Variants in ANKS1B observed in about 807,000 individuals in gnomAD.
The protein encoded by ANKS1B is ankyrin repeat and sterile alpha motif domain containing 1B, also known as ankyrin repeat and sterile alpha motif domain-containing protein 1B.
Under a neutral mutation model 148.3 loss-of-function variants are expected in ANKS1B, and 36 were observed. The ratio of observed to expected loss-of-function variants is 0.24; its 90% confidence interval spans 0.19 to 0.32. The LOEUF (loss-of-function observed/expected upper bound fraction) is 0.32, where lower values mean the gene tolerates loss of function less well. ANKS1B is among the 10% of genes least tolerant of loss of function. The pLI is 1.00. For missense variants in ANKS1B, 1,157 were observed against 1,542.6 expected (o/e 0.75, Z 4.19); for synonymous variants, 542 against 560.8 (o/e 0.97, Z 0.47).
At chr12:98,838,098 T>C (rs533159889) in intron 17 of ANKS1B, among the ~76,000 whole-genome samples, 102 of 152,344 alleles carry the variant, frequency 6.7e-4, no homozygotes, top group Non-Finnish European at 1.1e-3. Context: ...CAACTCTCAG[T>C]AGACATTTTA....
intron 12 of ANKS1B, among the ~76,000 whole-genome samples, chr12:99,366,535 A>G (rs943092696): frequency 6.6e-6 from 1 of 152,212 alleles, no homozygotes; most frequent in Non-Finnish European, 1.5e-5. Flanking sequence ...AAAGTCCAGA[A>G]ATAGACCCAG....
chr12:98,792,577 T>C (rs1247988836), intron 22 of ANKS1B, among the ~76,000 whole-genome samples: 2 of 152,180 alleles, frequency 1.3e-5, no homozygotes, highest in Non-Finnish European at 2.9e-5. Context: ...TTTGTTACCA[T>C]TGAGCAACGT....
At chr12:99,415,143 GT>G (rs74764244) in intron 11 of ANKS1B, among the ~76,000 whole-genome samples, 21,664 of 152,144 alleles carry the variant, frequency 0.14, 1,718 homozygotes, top group African/African-American at 0.21. Context: ...AAACCATGGA[GT>G]TTGTCCTCAT....
At chr12:99,162,245 GTGA>G (rs2076724921) in intron 14 of ANKS1B, among the ~76,000 whole-genome samples, 1 of 152,088 alleles carries the variant, frequency 6.6e-6, no homozygotes, top group East Asian at 1.9e-4. Context: ...TTTTAAAATT[GTGA>G]TGATGGTTGC....
rs372662634 is a variant in ANKS1B at position 99,747,723 on chromosome 12, T to C, written c.1128+25199A>G. 1.2e-4 allele frequency among the ~76,000 whole-genome samples: 19 copies of C among 152,214 alleles called. No homozygotes were observed. The South Asian group carries it at 3.9e-3, about 32-fold the overall frequency. On this transcript the variant is annotated intron_variant, in intron 8 of 26. Coordinates refer to ENST00000683438, the MANE Select transcript of ANKS1B (RefSeq NM_001352186.2). ...CACTTACGTGATGTTGGTTGGAAATTTCTCACGCCTAGAATGCTCTCCTTT... is the reference window on the plus strand; with the variant it reads ...CACTTACGTGATGTTGGTTGGAAATCTCTCACGCCTAGAATGCTCTCCTTT...
chr12:98,895,079 G>C, intron 17 of ANKS1B: 4 of 968,876 alleles, frequency 4.1e-6, no homozygotes, highest in Non-Finnish European at 4.9e-6. Flanking sequence ...TGCTGCCCGG[G>C]GTGGGCGGCG....
chr12:99,812,056 C>T (rs1278282000), intron 3 of ANKS1B, 99 bp downstream of exon 3: 3 of 1,421,008 alleles, frequency 2.1e-6, no homozygotes, highest in East Asian at 4.6e-5. Context: ...ATGGAAAGGC[C>T]TTTGGGCAAG....
intron 17 of ANKS1B, among the ~76,000 whole-genome samples, chr12:98,957,669 C>T (rs1025931424): frequency 3.9e-5 from 6 of 152,080 alleles, no homozygotes; most frequent in East Asian, 1.9e-4. Context: ...AATAGTAAAG[C>T]GTTAGGGGTG....
At chr12:99,244,210 C>G in intron 14 of ANKS1B, 132 bp downstream of exon 14, 1 of 626,934 alleles carries the variant, frequency 1.6e-6, no homozygotes, top group Non-Finnish European at 2.7e-6. Flanking sequence ...GTTGTTAGAT[C>G]TGAGAGTGGA....
intron 12 of ANKS1B, among the ~76,000 whole-genome samples, chr12:99,265,253 C>T (rs1431519255): frequency 6.6e-6 from 1 of 152,136 alleles, no homozygotes; most frequent in Non-Finnish European, 1.5e-5. Context: ...AATTCTTAGG[C>T]CTTGCTCTAG....
intron 15 of ANKS1B, among the ~76,000 whole-genome samples, chr12:99,114,219 G>T (rs1253503292): frequency 6.6e-6 from 1 of 152,118 alleles, no homozygotes; most frequent in Non-Finnish European, 1.5e-5. Flanking sequence ...GAAAATATTT[G>T]TGTCTATGAT....
chr12:98,827,173 C>T (rs2099255857), intron 19 of ANKS1B, among the ~76,000 whole-genome samples: 1 of 152,194 alleles, frequency 6.6e-6, no homozygotes, highest in South Asian at 2.1e-4. Context: ...ATTAACACCA[C>T]CCAGAGAGTT....
intron 12 of ANKS1B, among the ~76,000 whole-genome samples, chr12:99,270,014 T>A (rs1294338995): frequency 1.5e-4 from 23 of 152,114 alleles, no homozygotes; most frequent in Admixed American, 1.5e-3. Context: ...AGTACATTTT[T>A]CAAAAAAGAT....
intron 16 of ANKS1B, among the ~76,000 whole-genome samples, chr12:99,067,324 G>T (rs1213990343): frequency 1.3e-5 from 2 of 152,140 alleles, no homozygotes; most frequent in Non-Finnish European, 2.9e-5. Context: ...CATTGGCTAA[G>T]GTGCCCTTGA....
intron 19 of ANKS1B, among the ~76,000 whole-genome samples, chr12:98,818,197 C>T (rs1181195928): frequency 7.1e-6 from 1 of 140,922 alleles, no homozygotes; most frequent in Admixed American, 7.1e-5. Flanking sequence ...TCCTCTCTTC[C>T]TCCCTCCCTC....
At chr12:99,165,148 A>G (rs2153832845) in intron 14 of ANKS1B, among the ~76,000 whole-genome samples, 1 of 152,136 alleles carries the variant, frequency 6.6e-6, no homozygotes, top group South Asian at 2.1e-4. Context: ...TCACCACTAT[A>G]CTAGTAAGGA....
At chr12:98,833,592 A>T (rs113517999) in intron 17 of ANKS1B, among the ~76,000 whole-genome samples, 10 of 136,108 alleles carry the variant, frequency 7.3e-5, no homozygotes, top group Admixed American at 4.4e-4. Flanking sequence ...AATTTTTTTT[A>T]AATTTCAACT....
At chr12:99,517,563 C>CG (rs1454456144) in intron 9 of ANKS1B, among the ~76,000 whole-genome samples, 2 of 124,284 alleles carry the variant, frequency 1.6e-5, no homozygotes, top group Non-Finnish European at 3.6e-5. Flanking sequence ...AGTAAAAATA[C>CG]AAAAAAAAAA....
chr12:99,788,649 C>A (rs534035158), intron 4 of ANKS1B, among the ~76,000 whole-genome samples: 1 of 152,252 alleles, frequency 6.6e-6, no homozygotes, highest in African/African-American at 2.4e-5. Flanking sequence ...TAGGAAAAAA[C>A]AAGCAGGCAC....
Sources: gnomAD v4.1 joint callset for allele counts (sites outside exome capture counted in the v4.1 genomes callset) on GRCh38, gnomAD v4.1.1 for gene constraint, MANE v1.5 for transcripts, NCBI Gene and HGNC (gene_info 2026-07-23, HGNC 2026-07-21) for gene names.